ITPR2: variants seen among roughly 807,000 people sequenced by gnomAD.
ITPR2 encodes the protein inositol 1,4,5-trisphosphate receptor type 2, also known as inositol 1,4,5-trisphosphate-gated calcium channel ITPR2.
A neutral mutation model predicts 317.1 loss-of-function variants in ITPR2; 207 were observed. The ratio of observed to expected loss-of-function variants is 0.65; its 90% CI spans 0.58 to 0.73. The LOEUF (loss-of-function observed/expected upper bound fraction) is 0.73, where lower values mean the gene tolerates loss of function less well. Ranked by LOEUF, ITPR2 falls within the 30% of genes least tolerant of loss-of-function variation. The pLI is 0.00. For missense variants in ITPR2, 2,613 were observed against 3,284.0 expected, an observed-to-expected ratio of 0.80 and a Z score of 4.99; for synonymous variants, 1,156 against 1,149.1, an observed-to-expected ratio of 1.01 and a Z score of -0.12.
At chr12:26,472,115 G>C (rs764208630) in intron 45 of ITPR2, among the ~76,000 whole-genome samples, 2 of 152,184 alleles carry the variant, frequency 1.3e-5, no homozygotes, top group Non-Finnish European at 2.9e-5. Context: ...AACTGGTGAC[G>C]GGGTTACCCC....
intron 1 of ITPR2, among the ~76,000 whole-genome samples, chr12:26,809,876 C>T (rs1950704598): frequency 6.6e-6 from 1 of 152,180 alleles, no homozygotes. Context: ...TTCAGCTTTT[C>T]TTTTTTCAGT....
At chr12:26,446,152 T>G (rs796579554) in intron 45 of ITPR2, among the ~76,000 whole-genome samples, 5 of 152,010 alleles carry the variant, frequency 3.3e-5, no homozygotes, top group African/African-American at 1.2e-4. Flanking sequence ...GGATAACTGA[T>G]GAAAAGCAGC....
Position 26,599,265 on chromosome 12 carries a change from T to A in ITPR2, c.3882A>T (p.Gln1294His). ...GTGTCTCAATGCAGTGCACAAAGTG[T>A]TGTACAACTCTCTCGCTAATTTCGT... ...LCNEISERVV[Q>H]HFVHCIETHG... The change falls in exon 30 of 57, where the codon CAA becomes CAT. Residue 1294 changes from glutamine to histidine, a missense_variant. By Grantham distance (24) the Gln-to-His change is conservative. Coordinates refer to ENST00000381340, the MANE Select transcript of ITPR2 (RefSeq NM_002223.4). 6.2e-7 allele frequency: 1 copy of A among 1,614,072 alleles called. No homozygotes were observed. Among genetic ancestry groups the A allele is most frequent in the East Asian group, 2.2e-5 (1 of 44,876 alleles).
At chr12:26,509,850 AAAC>A in intron 37 of ITPR2, among the ~76,000 whole-genome samples, 1 of 152,130 alleles carries the variant, frequency 6.6e-6, no homozygotes, top group East Asian at 1.9e-4. Flanking sequence ...TCAAAATTAT[AAAC>A]AACTTCATGG....
chr12:26,561,634 G>T (rs755188118), intron 35 of ITPR2, 128 bp downstream of exon 35: 98 of 671,458 alleles, frequency 1.5e-4, no homozygotes, highest in Non-Finnish European at 2.2e-4. Context: ...TGGTAGTAGA[G>T]AGTTGTAAAG....
intron 9 of ITPR2, among the ~76,000 whole-genome samples, chr12:26,705,706 G>A (rs1425765968): frequency 5.9e-5 from 9 of 152,006 alleles, no homozygotes; most frequent in Admixed American, 5.2e-4. Context: ...GAATGACATC[G>A]CTAGTTCTCC....
At chr12:26,605,465 G>A (rs1371131380) in intron 26 of ITPR2, among the ~76,000 whole-genome samples, 1 of 151,976 alleles carries the variant, frequency 6.6e-6, no homozygotes. Context: ...CCAGGATTAA[G>A]ACATTACCAG....
At chr12:26,781,978 T>G (rs1950085163) in intron 2 of ITPR2, among the ~76,000 whole-genome samples, 1 of 132,108 alleles carries the variant, frequency 7.6e-6, no homozygotes, top group Admixed American at 7.8e-5. Context: ...TAATACTACT[T>G]AATAAACTCC....
rs751835257 is a variant in ITPR2, at chr12:26,415,323, T to C, written c.7286A>G (p.Lys2429Arg). ...DDFTMEVDRL[K>R]NRTPVTGSHQ... is the part of the protein sequence containing the mutation. The stretch of plus-strand genomic sequence containing the variant: ...AATACCTGTAACAGGAGTTCGGTTT[T>C]TCAGCCTATCAACTTCCATAGTGAA... Residue 2429 changes from lysine (K) to arginine (R), a missense_variant, in exon 51 of 57, where the codon AAA becomes AGA. Lys to Arg is a conservative substitution (Grantham distance 26, BLOSUM62 2). This residue lies in a region of ITPR2 where 113 missense variants were observed against 129.2 expected (regional missense o/e 0.87). Transcript: ENST00000381340. 8 of 1,602,624 alleles carry C rather than the reference T, an allele frequency of 5.0e-6. No homozygotes were observed. Among genetic ancestry groups the C allele is most frequent in the African/African-American group, 1.3e-5 (1 of 74,100 alleles).
At chr12:26,541,569 G>T (rs1321574476) in intron 37 of ITPR2, among the ~76,000 whole-genome samples, 1 of 152,202 alleles carries the variant, frequency 6.6e-6, no homozygotes, top group African/African-American at 2.4e-5. Flanking sequence ...CTACAATGCA[G>T]TCTATGTAGC....
chr12:26,782,253 C>T (rs1422727428), intron 2 of ITPR2, among the ~76,000 whole-genome samples: 1 of 151,624 alleles, frequency 6.6e-6, no homozygotes, highest in Non-Finnish European at 1.5e-5. Flanking sequence ...TTAGACAAAA[C>T]TCAAATGCAC....
intron 5 of ITPR2, among the ~76,000 whole-genome samples, chr12:26,720,776 A>G (rs1948823876): frequency 6.6e-6 from 1 of 152,228 alleles, no homozygotes; most frequent in African/African-American, 2.4e-5. Flanking sequence ...TTGGTTTTCC[A>G]GTACAACTAA....
chr12:26,736,110 T>C (rs1021511721), intron 2 of ITPR2, among the ~76,000 whole-genome samples: 12 of 152,312 alleles, frequency 7.9e-5, no homozygotes, highest in Middle Eastern at 3.4e-3. Flanking sequence ...AGATATCTAT[T>C]CTTTCTGCTC....
chr12:26,660,007 C>T (rs1011120122), intron 15 of ITPR2, among the ~76,000 whole-genome samples: 1 of 152,122 alleles, frequency 6.6e-6, no homozygotes, highest in African/African-American at 2.4e-5. Flanking sequence ...TTCTTGAAGG[C>T]CTATGCTGAA....
In ITPR2 at chr12:26,337,361, G is replaced by A. The variant is rs1390487502; in HGVS notation, c.*2036C>T. 6.6e-6 allele frequency: 1 copy of A among 152,058 alleles called. No homozygotes were observed. Among genetic ancestry groups the A allele is most frequent in the South Asian group, 2.1e-4 (1 of 4,822 alleles). The allele number at this position is 152,058 out of a possible 1,614,324, so 9.4% of individuals were successfully genotyped here. A position where few individuals can be genotyped will look rare whatever the true frequency, so the allele number is the denominator to read the frequency against. On this transcript the variant is annotated 3_prime_UTR_variant, in exon 57 of 57. Coordinates refer to ENST00000381340, the MANE Select transcript of ITPR2 (RefSeq NM_002223.4). Reference sequence around the variant, plus strand: ...AATATTTTGTACTAAAACAGAGATAGGTTCCTATATTGGAATATGTTCAAT... The same window carrying A: ...AATATTTTGTACTAAAACAGAGATAAGTTCCTATATTGGAATATGTTCAAT...
At chr12:26,797,713 T>TG (rs1950476908) in intron 1 of ITPR2, among the ~76,000 whole-genome samples, 1 of 98,948 alleles carries the variant, frequency 1.0e-5, no homozygotes, top group South Asian at 3.5e-4. Flanking sequence ...TTTTTTGAGA[T>TG]GGAGTTTTGT....
chr12:26,570,438 T>C lies in ITPR2; in HGVS notation c.4630+8275A>G, dbSNP rs143118643. ...ACAGGGATATATGATGTCAAGCTCC[T>C]TCTAAAATCAACCACAACACCTTAG... On this transcript the variant is annotated intron_variant, in intron 34 of 56. Transcript: ENST00000381340. Among the ~76,000 whole-genome samples the C allele has an allele frequency of 1.3e-3, 192 of 152,332 alleles. 3 individuals carry two copies. The highest frequency in any genetic ancestry group is 4.3e-3 in the African/African-American group (177 of 41,586).
At chr12:26,647,635 A>G (rs974706559) in intron 21 of ITPR2, among the ~76,000 whole-genome samples, 5 of 152,236 alleles carry the variant, frequency 3.3e-5, no homozygotes, top group Admixed American at 6.5e-5. Context: ...CAAAAGATCA[A>G]TTACACTGAA....
intron 34 of ITPR2, among the ~76,000 whole-genome samples, chr12:26,571,721 T>A (rs1565612259): frequency 6.6e-6 from 1 of 152,204 alleles, no homozygotes; most frequent in Non-Finnish European, 1.5e-5. Flanking sequence ...ATAACGTCAT[T>A]TCCCCATCTA....
Sources: gnomAD v4.1 joint callset for allele counts (sites outside exome capture counted in the v4.1 genomes callset) on GRCh38, gnomAD v4.1.1 for gene constraint, gnomAD v4.1.1 regional missense constraint, MANE v1.5 for transcripts, NCBI Gene and HGNC (gene_info 2026-07-23, HGNC 2026-07-21) for gene names.